The following ALPK2 variants were observed in gnomAD, a reference collection of about 807,000 sequenced individuals.
The protein encoded by ALPK2 is alpha kinase 2, also known as alpha-protein kinase 2.
In ALPK2, 127 loss-of-function variants were observed where a neutral mutation model predicts 163.1. The observed-to-expected ratio is 0.78, with a 90% CI of 0.67 to 0.90. The LOEUF is 0.90. ALPK2 is among the 40% of genes least tolerant of loss of function. ALPK2 has a pLI of 0.00. For missense variants in ALPK2, 2,360 were observed against 2,589.6 expected, an observed-to-expected ratio of 0.91 and a Z score of 1.92; for synonymous variants, 953 against 959.1, an observed-to-expected ratio of 0.99 and a Z score of 0.12.
intron 1 of ALPK2, among the ~76,000 whole-genome samples, chr18:58,620,590 T>C (rs1266411340): frequency 6.6e-6 from 1 of 152,148 alleles, no homozygotes; most frequent in African/African-American, 2.4e-5. Flanking sequence ...CAATCTATGG[T>C]GATGATTGCC....
Position 58,545,236 on chromosome 18 carries a change from CA to C in ALPK2, c.1963-7013del, listed in dbSNP as rs1568081223. On this transcript the variant is annotated intron_variant, in intron 4 of 12. Transcript: ENST00000361673. ...CTTGTGAACTACAAAAAAAAAAAAA[CA>C]CACACACACACACACACTATTAGCT... The C allele has an allele frequency of 2.7e-4, 9 of 33,176 alleles. 1 individual carries two copies. In the East Asian group the frequency reaches 3.1e-3, roughly 11 times the overall value. The allele number at this position is 33,176 out of a possible 1,614,324, so 2.1% of individuals were successfully genotyped here.
chr18:58,489,227 C>G (rs1369003078), intron 12 of ALPK2, among the ~76,000 whole-genome samples: 1 of 152,128 alleles, frequency 6.6e-6, no homozygotes, highest in African/African-American at 2.4e-5. Flanking sequence ...AGCAGGTGTT[C>G]TGAGGGGAGA....
intron 4 of ALPK2, among the ~76,000 whole-genome samples, chr18:58,556,471 T>A (rs146257210): frequency 6.6e-6 from 1 of 152,136 alleles, no homozygotes; most frequent in East Asian, 1.9e-4. Context: ...GCTGTTGAGA[T>A]AATGAAATGA....
Position 58,536,301 on chromosome 18 carries a change from A to G in ALPK2, c.3886T>C (p.Leu1296=), listed in dbSNP as rs575877149. Residue 1296 remains leucine, a synonymous_variant, in exon 5 of 13, where the codon TTG becomes CTG. Transcript: ENST00000361673. The part of the protein sequence containing the change: ...PELAPSEIAA[L]AHSPEDAESA... ...TCAGCATCCTCTGGACTGTGAGCCAATGCTGCTATTTCAGAGGGGGCCAAT... is the reference window on the plus strand; with the variant it reads ...TCAGCATCCTCTGGACTGTGAGCCAGTGCTGCTATTTCAGAGGGGGCCAAT... 3.0e-5 allele frequency: 48 copies of G among 1,614,208 alleles called. 1 individual carries two copies. The South Asian group carries it at 3.5e-4, about 12-fold the overall frequency.
At position 58,536,268 on chromosome 18, in the gene ALPK2, G is replaced by A. The variant is rs774263599; in HGVS notation, c.3919C>T (p.Leu1307Phe). The change falls in exon 5 of 13, where the codon CTT becomes TTT. Residue 1307 changes from leucine (L) to phenylalanine (F), a missense_variant. By Grantham distance (22) the Leu-to-Phe change is conservative. Transcript: ENST00000361673. ...AHSPEDAESALADSRESHKGE... is the reference protein window; with the variant it reads ...AHSPEDAESAFADSRESHKGE... ...TTATGGCTTTCTCTGCTATCAGCAA[G>A]GGCTGACTCAGCATCCTCTGGACTG... 2 of 1,614,208 alleles carry A rather than the reference G, an allele frequency of 1.2e-6. No individual in the cohort carries two copies. The highest frequency in any genetic ancestry group is 2.2e-5 in the South Asian group (2 of 91,074).
chr18:58,488,286 G>A (rs887860837), intron 12 of ALPK2, among the ~76,000 whole-genome samples: 1 of 149,184 alleles, frequency 6.7e-6, no homozygotes, highest in African/African-American at 2.5e-5. Flanking sequence ...ACTCAACAAA[G>A]ATTTATTCAA....
At chr18:58,539,066 T>C (rs2051675547) in intron 4 of ALPK2, among the ~76,000 whole-genome samples, 1 of 152,200 alleles carries the variant, frequency 6.6e-6, no homozygotes, top group African/African-American at 2.4e-5. Context: ...CTTGATAAAC[T>C]ACCCAATCTC....
At chr18:58,625,016 A>G (rs1025709903) in intron 1 of ALPK2, among the ~76,000 whole-genome samples, 1 of 152,116 alleles carries the variant, frequency 6.6e-6, no homozygotes, top group African/African-American at 2.4e-5. Flanking sequence ...TCTGATTTCC[A>G]TATTCATTCT....
At chr18:58,555,812 G>A (rs1453722074) in intron 4 of ALPK2, among the ~76,000 whole-genome samples, 2 of 152,138 alleles carry the variant, frequency 1.3e-5, no homozygotes, top group Admixed American at 1.3e-4. Flanking sequence ...TAACTGTGAA[G>A]GCCCTGGGCC....
At chr18:58,554,553 G>A (rs1402796093) in intron 4 of ALPK2, among the ~76,000 whole-genome samples, 2 of 152,116 alleles carry the variant, frequency 1.3e-5, no homozygotes, top group East Asian at 1.9e-4. Flanking sequence ...TCCCCTCCCT[G>A]GCAGCCTGCC....
At chr18:58,571,608 G>T (rs2053637565) in intron 4 of ALPK2, among the ~76,000 whole-genome samples, 1 of 151,966 alleles carries the variant, frequency 6.6e-6, no homozygotes, top group African/African-American at 2.4e-5. Context: ...GACACCAAAA[G>T]CAAAATCCAT....
intron 8 of ALPK2, 125 bp downstream of exon 8, chr18:58,523,681 G>A (rs1333562000): frequency 3.1e-5 from 37 of 1,199,430 alleles, no homozygotes; most frequent in Middle Eastern, 2.0e-4. Context: ...CTTAAGTCAC[G>A]CCATAGCTCT....
At chr18:58,513,014 GGT>G (rs1205237727) in intron 10 of ALPK2, among the ~76,000 whole-genome samples, 1 of 133,968 alleles carries the variant, frequency 7.5e-6, no homozygotes, top group Non-Finnish European at 1.6e-5. Flanking sequence ...GTTTATGTGG[GGT>G]GTGTGTGGTG....
At chr18:58,534,482 G>C (rs1039428819) in intron 5 of ALPK2, among the ~76,000 whole-genome samples, 18 of 152,284 alleles carry the variant, frequency 1.2e-4, no homozygotes, top group African/African-American at 3.9e-4. Context: ...AATAGATTTT[G>C]TAAAAGAGGA....
chr18:58,628,460 T>A (rs1013805684), intron 1 of ALPK2, among the ~76,000 whole-genome samples: 3 of 152,244 alleles, frequency 2.0e-5, no homozygotes, highest in African/African-American at 7.2e-5. Context: ...TTTTTCTAAC[T>A]GTTAAGATAG....
At chr18:58,554,107 G>A (rs1221223246) in intron 4 of ALPK2, among the ~76,000 whole-genome samples, 1 of 152,064 alleles carries the variant, frequency 6.6e-6, no homozygotes, top group Non-Finnish European at 1.5e-5. Flanking sequence ...GTGATCCGCT[G>A]CCTCGGCCTC....
chr18:58,586,929 T>C (rs1237890137), intron 3 of ALPK2, among the ~76,000 whole-genome samples: 2 of 152,030 alleles, frequency 1.3e-5, no homozygotes, highest in South Asian at 2.1e-4. Flanking sequence ...TAGGAGGCCA[T>C]GCACATGCAT....
chr18:58,531,031 T>C (rs573539335), intron 5 of ALPK2, among the ~76,000 whole-genome samples: 1 of 151,564 alleles, frequency 6.6e-6, no homozygotes, highest in East Asian at 1.9e-4. Flanking sequence ...CAAGATCCCA[T>C]CTCTAGAAAA....
intron 3 of ALPK2, chr18:58,580,933 AC>A (rs1163722884): frequency 5.8e-6 from 1 of 172,506 alleles, no homozygotes; most frequent in Non-Finnish European, 1.2e-5. Flanking sequence ...GAATAATTCC[AC>A]CCCTTATTTA....
Sources: gnomAD v4.1 joint callset for allele counts (sites outside exome capture counted in the v4.1 genomes callset) on GRCh38, gnomAD v4.1.1 for gene constraint, MANE v1.5 for transcripts, NCBI Gene and HGNC (gene_info 2026-07-23, HGNC 2026-07-21) for gene names.